GRIK3: variants seen among roughly 807,000 people sequenced by gnomAD.
The protein encoded by GRIK3 is glutamate ionotropic receptor kainate type subunit 3, also known as glutamate receptor ionotropic, kainate 3.
Under a neutral mutation model 102.5 loss-of-function variants are expected in GRIK3, and 29 were observed. The ratio of observed to expected loss-of-function variants is 0.28; its 90% CI spans 0.21 to 0.39. The LOEUF is 0.39. Ranked by LOEUF, GRIK3 falls within the 10% of genes least tolerant of loss-of-function variation. The probability of loss-of-function intolerance (pLI) is 1.00; values close to 1 mark genes in which losing one functional copy is unlikely to be tolerated. For synonymous variants in GRIK3, 511 were observed against 504.9 expected (o/e 1.01, Z -0.16); for missense variants, 908 against 1,252.4 (o/e 0.73, Z 4.15).
Position 36,842,105 on chromosome 1 carries a change from G to A in GRIK3, c.1327-166C>T, listed in dbSNP as rs527256347. Among the ~76,000 whole-genome samples, 25 of 152,276 alleles carry A rather than the reference G, an allele frequency of 1.6e-4. 1 individual carries two copies. The South Asian group carries it at 5.2e-3, about 32-fold the overall frequency. On this transcript the variant is annotated intron_variant, in intron 9 of 15. Transcript: ENST00000373091. ...TCAGGAGCGGGAAAGCACATGTCCT[G>A]AGAGCCAGCTGGGGGCCTCATGAAT...
intron 1 of GRIK3, among the ~76,000 whole-genome samples, chr1:36,994,923 T>C (rs1331269830): frequency 1.3e-5 from 2 of 152,192 alleles, no homozygotes; most frequent in Non-Finnish European, 2.9e-5. Flanking sequence ...CTGTGACAGT[T>C]CTCCTTGTTC....
Position 36,916,102 on chromosome 1 carries a change from T to A in GRIK3, c.116-25006A>T, listed in dbSNP as rs919415532. 7.9e-5 allele frequency among the ~76,000 whole-genome samples: 12 copies of A among 152,272 alleles called. 1 individual carries two copies. The highest frequency in any genetic ancestry group is 7.8e-4 in the Admixed American group (12 of 15,292). On this transcript the variant is annotated intron_variant, in intron 1 of 15. Transcript: ENST00000373091. ...AGGCTGATGTGATCTCAGATGGAGA[T>A]GAGGAACTTGTTGGAAACTGGAGCA...
At chr1:36,987,809 G>A (rs566880790) in intron 1 of GRIK3, among the ~76,000 whole-genome samples, 3 of 152,228 alleles carry the variant, frequency 2.0e-5, no homozygotes. Flanking sequence ...GATGAGGCAA[G>A]TCTTAAGTTC....
rs772744391 is a variant in GRIK3 at position 36,982,734 on chromosome 1, C to T, written c.115+51260G>A. ...AGGGTGGAAGGGGCAGCCCAGCGACCGGGGTCTTTAAGCAGGCAGGAAAGT... is the reference window on the plus strand; with the variant it reads ...AGGGTGGAAGGGGCAGCCCAGCGACTGGGGTCTTTAAGCAGGCAGGAAAGT... On this transcript the variant is annotated intron_variant, in intron 1 of 15. Coordinates refer to ENST00000373091, the MANE Select transcript of GRIK3 (RefSeq NM_000831.4). Among the ~76,000 whole-genome samples the T allele has an allele frequency of 6.5e-5, 9 of 138,816 alleles. No individual in the cohort carries two copies. In the East Asian group the frequency reaches 9.4e-4, roughly 14 times the overall value. The allele number at this position is 138,816 out of a possible 152,430, so 91.1% of individuals were successfully genotyped here.
intron 1 of GRIK3, among the ~76,000 whole-genome samples, chr1:36,909,028 TAG>T (rs1415409906): frequency 6.6e-6 from 1 of 152,010 alleles, no homozygotes; most frequent in African/African-American, 2.4e-5. Flanking sequence ...ACAACCCCAT[TAG>T]AGAGGAAGTA....
intron 1 of GRIK3, 85 bp from the exon 2 acceptor site, chr1:36,891,181 C>T: frequency 1.0e-6 from 1 of 999,790 alleles, no homozygotes. Flanking sequence ...ATTTTATAGA[C>T]AAGTTGCCTG....
chr1:36,805,174 T>C lies in GRIK3; in HGVS notation c.2378A>G (p.His793Arg). 1 of 1,614,190 alleles carries C rather than the reference T, an allele frequency of 6.2e-7. No homozygotes were observed. The highest frequency in any genetic ancestry group is 1.1e-5 in the South Asian group (1 of 91,084). Reference sequence around the variant, plus strand: ...CCGCCACCACTTCTCCTTCATGATATGCAGCTTGTCCTCCTCCTGAAGCTG... The same window carrying C: ...CCGCCACCACTTCTCCTTCATGATACGCAGCTTGTCCTCCTCCTGAAGCTG... Reference protein sequence around the residue: ...ILQLQEEDKLHIMKEKWWRGS... With the variant: ...ILQLQEEDKLRIMKEKWWRGS... The change falls in exon 15 of 16, where the codon CAT (histidine) becomes CGT (arginine). Residue 793 changes from histidine to arginine, a missense_variant. His to Arg is a conservative substitution (Grantham distance 29). Around this residue, in one of 3 missense-constraint regions of GRIK3, gnomAD observed 297 missense variants for 362.7 expected, o/e 0.82. Coordinates refer to ENST00000373091, the MANE Select transcript of GRIK3 (RefSeq NM_000831.4).
chr1:36,911,747 G>C lies in GRIK3; in HGVS notation c.116-20651C>G, dbSNP rs2124295687. On this transcript the variant is annotated intron_variant, in intron 1 of 15. Transcript: ENST00000373091. ...GCCCAGAGACCCTGATGAGGGATGG[G>C]CTGTCATCAGGCAGGAGGAGCAGGA... Among the ~76,000 whole-genome samples the C allele has an allele frequency of 1.3e-5, 2 of 152,240 alleles. 1 individual carries two copies. The highest frequency in any genetic ancestry group is 4.1e-4 in the South Asian group (2 of 4,820).
rs537303516 is a variant in GRIK3 at position 36,915,889 on chromosome 1, G to A, written c.116-24793C>T. Among the ~76,000 whole-genome samples, 22 of 152,292 alleles carry A rather than the reference G, an allele frequency of 1.4e-4. 1 individual carries two copies. In the South Asian group the frequency reaches 4.6e-3, roughly 32 times the overall value. The stretch of plus-strand genomic sequence containing the variant: ...GGGCTAATTCAGTAAATTGGTACTG[G>A]GAGTGGTACGTTGCTGAAAAGATAC... On this transcript the variant is annotated intron_variant, in intron 1 of 15. Transcript: ENST00000373091.
In GRIK3 at chr1:36,954,422, A is replaced by G. The variant is rs116316820; in HGVS notation, c.116-63326T>C. ...CCACATGCCAATCAGAGCAGCCAGA[A>G]AGGTCATCTGCGGGAGAAGTGAGAG... On this transcript the variant is annotated intron_variant, in intron 1 of 15. Transcript: ENST00000373091. Among the ~76,000 whole-genome samples the G allele has an allele frequency of 3.0e-3, 452 of 152,314 alleles. 1 individual carries two copies. Among genetic ancestry groups the G allele is most frequent in the Middle Eastern group, 0.01 (3 of 294 alleles).
At chr1:37,013,098 G>T (rs567061186) in intron 1 of GRIK3, among the ~76,000 whole-genome samples, 15 of 152,164 alleles carry the variant, frequency 9.9e-5, no homozygotes, top group Non-Finnish European at 1.5e-4. Flanking sequence ...AAGGTAAAAG[G>T]CACGTCTTAC....
Position 36,920,880 on chromosome 1 carries a change from G to T in GRIK3, c.116-29784C>A, listed in dbSNP as rs13374903. ...GGGACCAATTTGTGAGTTTTCAGCAGCAGCTCTCACTCTCAGTTTCTGCCT... is the reference window on the plus strand; with the variant it reads ...GGGACCAATTTGTGAGTTTTCAGCATCAGCTCTCACTCTCAGTTTCTGCCT... On this transcript the variant is annotated intron_variant, in intron 1 of 15. Coordinates refer to ENST00000373091, the MANE Select transcript of GRIK3 (RefSeq NM_000831.4). Among the ~76,000 whole-genome samples, 944 of 152,360 alleles carry T rather than the reference G, an allele frequency of 6.2e-3. 10 individuals carry two copies. The highest frequency in any genetic ancestry group is 0.022 in the African/African-American group (914 of 41,578).
intron 1 of GRIK3, among the ~76,000 whole-genome samples, chr1:37,014,570 T>C (rs556008773): frequency 6.6e-6 from 1 of 152,378 alleles, no homozygotes. Context: ...GGTAACCTGT[T>C]GAGCCCCACT....
intron 1 of GRIK3, among the ~76,000 whole-genome samples, chr1:36,906,154 G>A (rs1641281995): frequency 2.0e-5 from 3 of 152,214 alleles, no homozygotes; most frequent in Non-Finnish European, 2.9e-5. Context: ...CTGCTTTCAA[G>A]GAATGCTGAA....
At chr1:36,973,940 T>G (rs1642169810) in intron 1 of GRIK3, among the ~76,000 whole-genome samples, 1 of 152,040 alleles carries the variant, frequency 6.6e-6, no homozygotes, top group Admixed American at 6.6e-5. Context: ...GCAGGAAGTG[T>G]GAGGGGGAAG....
intron 1 of GRIK3, among the ~76,000 whole-genome samples, chr1:36,949,798 C>T (rs994422954): frequency 1.3e-5 from 2 of 151,970 alleles, no homozygotes; most frequent in Non-Finnish European, 2.9e-5. Flanking sequence ...AGGATGGTTT[C>T]GAACTTCTGA....
At position 36,981,053 on chromosome 1, in the gene GRIK3, T is replaced by A. The variant is rs1160258893; in HGVS notation, c.115+52941A>T. Among the ~76,000 whole-genome samples, 7 of 152,258 alleles carry A rather than the reference T, an allele frequency of 4.6e-5. No homozygotes were observed. The East Asian group carries it at 1.2e-3, about 25-fold the overall frequency. On this transcript the variant is annotated intron_variant, in intron 1 of 15. Transcript: ENST00000373091. ...CCAGCACTAAGTGTTTTACGTGGGTTATTTTAGTTTATCCTTACAACACAT... is the reference window on the plus strand; with the variant it reads ...CCAGCACTAAGTGTTTTACGTGGGTAATTTTAGTTTATCCTTACAACACAT...
At chr1:36,967,195 T>C (rs1158040488) in intron 1 of GRIK3, among the ~76,000 whole-genome samples, 1 of 152,140 alleles carries the variant, frequency 6.6e-6, no homozygotes. Context: ...TGTGATAGAG[T>C]GCAAGAGCCT....
At chr1:36,879,747 T>C (rs581227) in intron 3 of GRIK3, among the ~76,000 whole-genome samples, 135,375 of 152,178 alleles carry the variant, frequency 0.89, 60,456 homozygotes, top group East Asian at 0.99. Context: ...GCATTAGCTC[T>C]AGCTGGCAGA....
Sources: gnomAD v4.1 joint callset for allele counts (sites outside exome capture counted in the v4.1 genomes callset) on GRCh38, gnomAD v4.1.1 for gene constraint, gnomAD v4.1.1 regional missense constraint, MANE v1.5 for transcripts, NCBI Gene and HGNC (gene_info 2026-07-23, HGNC 2026-07-21) for gene names.